Variants in EBF2 observed in about 807,000 individuals in gnomAD.
EBF2 encodes EBF transcription factor 2, also known as transcription factor COE2.
A neutral mutation model predicts 72.8 loss-of-function variants in EBF2; 21 were observed. That is an observed-to-expected ratio of 0.29 (90% CI 0.20 to 0.42). The LOEUF is 0.42. Ranked by LOEUF, EBF2 falls within the 10% of genes least tolerant of loss-of-function variation. The pLI, the probability that EBF2 is intolerant of heterozygous loss-of-function variation, is 1.00. For synonymous variants in EBF2, 299 were observed against 274.2 expected, an observed-to-expected ratio of 1.09 and a Z score of -0.89; for missense variants, 637 against 731.2, an observed-to-expected ratio of 0.87 and a Z score of 1.49.
Position 26,038,803 on chromosome 8 carries a change from G to C in EBF2, c.482+1225C>G, listed in dbSNP as rs142394569. On this transcript the variant is annotated intron_variant, in intron 5 of 15. Transcript: ENST00000520164. ...ACTGGCATTTGGAAAGTTTGTTTTG[G>C]TACTTGGTCAAAACCAAAACAAACA... Among the ~76,000 whole-genome samples, 622 of 152,264 alleles carry C rather than the reference G, an allele frequency of 4.1e-3. 4 individuals carry two copies. The highest frequency in any genetic ancestry group is 0.011 in the African/African-American group (476 of 41,550).
intron 6 of EBF2, among the ~76,000 whole-genome samples, chr8:25,960,496 G>A (rs1804018457): frequency 6.6e-6 from 1 of 152,086 alleles, no homozygotes; most frequent in Non-Finnish European, 1.5e-5. Flanking sequence ...AGATCTCCTC[G>A]GGATATTGAA....
chr8:25,907,181 G>T (rs1451966270), intron 7 of EBF2, among the ~76,000 whole-genome samples: 1 of 151,952 alleles, frequency 6.6e-6, no homozygotes, highest in South Asian at 2.1e-4. Flanking sequence ...CACTTTGAGA[G>T]GCCTAGGTGG....
At position 25,881,594 on chromosome 8, in the gene EBF2, G is replaced by T. The variant is rs537070148; in HGVS notation, c.1009+5161C>A. Among the ~76,000 whole-genome samples the T allele has an allele frequency of 2.0e-5, 3 of 152,316 alleles. No homozygotes were observed. In the South Asian group the frequency reaches 6.2e-4, roughly 32 times the overall value. ...CTTTAAATGATATGGAAGTGGGGAA[G>T]GGAAGTGCTGGGTAGAGGAAGGCCT... On this transcript the variant is annotated intron_variant, in intron 10 of 15. Transcript: ENST00000520164.
At chr8:25,974,721 C>G (rs1804241509) in intron 6 of EBF2, among the ~76,000 whole-genome samples, 1 of 152,102 alleles carries the variant, frequency 6.6e-6, no homozygotes, top group African/African-American at 2.4e-5. Flanking sequence ...TGAGTCCCTG[C>G]TTTCCTTCCT....
intron 6 of EBF2, among the ~76,000 whole-genome samples, chr8:26,015,576 G>A (rs1805096858): frequency 6.6e-6 from 1 of 152,194 alleles, no homozygotes; most frequent in Non-Finnish European, 1.5e-5. Flanking sequence ...GCGACATGGA[G>A]ATTAACTCTG....
At chr8:25,946,230 T>A (rs543171925) in intron 6 of EBF2, among the ~76,000 whole-genome samples, 2 of 152,144 alleles carry the variant, frequency 1.3e-5, no homozygotes, top group South Asian at 2.1e-4. Flanking sequence ...GAAAATCACT[T>A]TGGGAGTGGG....
chr8:26,036,982 C>T (rs1417325200), intron 5 of EBF2, among the ~76,000 whole-genome samples: 1 of 151,956 alleles, frequency 6.6e-6, no homozygotes, highest in East Asian at 1.9e-4. Flanking sequence ...CGTAACAACC[C>T]CAGAGAGACT....
chr8:26,017,480 G>A (rs952307249), intron 6 of EBF2, among the ~76,000 whole-genome samples: 3 of 152,156 alleles, frequency 2.0e-5, no homozygotes, highest in Non-Finnish European at 4.4e-5. Flanking sequence ...GCCCTCACAG[G>A]AGGTCTCTGG....
At chr8:25,931,705 C>T (rs1803483340) in intron 6 of EBF2, among the ~76,000 whole-genome samples, 1 of 152,094 alleles carries the variant, frequency 6.6e-6, no homozygotes, top group Non-Finnish European at 1.5e-5. Context: ...TTCAGTCTTC[C>T]CTGCTTTGGT....
intron 7 of EBF2, among the ~76,000 whole-genome samples, chr8:25,900,828 A>G (rs1045520243): frequency 1.3e-5 from 2 of 152,174 alleles, no homozygotes; most frequent in African/African-American, 4.8e-5. Context: ...AACTAAAAAA[A>G]AAATGATTAG....
chr8:25,847,998 C>A (rs753740814), intron 15 of EBF2, among the ~76,000 whole-genome samples: 7 of 152,022 alleles, frequency 4.6e-5, no homozygotes, highest in Non-Finnish European at 7.4e-5. Flanking sequence ...CAAAAACCAC[C>A]TGTACCCCCA....
intron 10 of EBF2, among the ~76,000 whole-genome samples, chr8:25,868,636 T>C (rs900166200): frequency 1.3e-5 from 2 of 152,084 alleles, no homozygotes; most frequent in Non-Finnish European, 2.9e-5. Flanking sequence ...ATGCACCACA[T>C]GCCTAATTTT....
chr8:25,895,598 C>T (rs538521937), intron 7 of EBF2, among the ~76,000 whole-genome samples: 3 of 152,304 alleles, frequency 2.0e-5, no homozygotes, highest in East Asian at 1.9e-4. Flanking sequence ...GAAAACCGAT[C>T]GGCTTTCTCA....
At chr8:25,888,610 T>C (rs560717018) in intron 8 of EBF2, among the ~76,000 whole-genome samples, 6 of 152,262 alleles carry the variant, frequency 3.9e-5, no homozygotes, top group Admixed American at 3.9e-4. Flanking sequence ...TCTATCATAG[T>C]TGAAGGCTTT....
intron 6 of EBF2, among the ~76,000 whole-genome samples, chr8:26,030,563 T>C (rs1805384181): frequency 6.6e-6 from 1 of 151,660 alleles, no homozygotes; most frequent in Non-Finnish European, 1.5e-5. Flanking sequence ...TACCCTAAAA[T>C]TTCAATTAAA....
At chr8:26,041,786 G>A (rs1480899233) in intron 2 of EBF2, among the ~76,000 whole-genome samples, 1 of 152,116 alleles carries the variant, frequency 6.6e-6, no homozygotes, top group East Asian at 1.9e-4. Context: ...GGGGAGCGGC[G>A]GCCTTGGGTG....
At chr8:26,024,523 A>T (rs552477765) in intron 6 of EBF2, among the ~76,000 whole-genome samples, 1 of 152,252 alleles carries the variant, frequency 6.6e-6, no homozygotes, top group South Asian at 2.1e-4. Flanking sequence ...AACCCTAGAT[A>T]TCTGTTCTTG....
chr8:25,918,313 G>C (rs573504148), intron 6 of EBF2, among the ~76,000 whole-genome samples: 1 of 152,274 alleles, frequency 6.6e-6, no homozygotes, highest in African/African-American at 2.4e-5. Context: ...GCATTCTCTT[G>C]CTAAGACAGG....
intron 6 of EBF2, among the ~76,000 whole-genome samples, chr8:25,943,889 A>G (rs1310160895): frequency 6.6e-6 from 1 of 152,154 alleles, no homozygotes; most frequent in Non-Finnish European, 1.5e-5. Context: ...ATAATCCCCA[A>G]GACTGCCCTG....
Sources: allele counts gnomAD v4.1 joint callset (sites outside exome capture counted in the v4.1 genomes callset), GRCh38; gene constraint gnomAD v4.1.1; transcripts MANE v1.5; gene names NCBI Gene and HGNC (gene_info 2026-07-23, HGNC 2026-07-21).